MBD2: variants seen among roughly 807,000 people sequenced by gnomAD.
MBD2 encodes methyl-CpG binding domain protein 2, also known as methyl-CpG-binding domain protein 2.
Under a neutral mutation model 39.3 loss-of-function variants are expected in MBD2, and 9 were observed. The observed-to-expected ratio is 0.23, with a 90% CI of 0.14 to 0.40. MBD2 has a LOEUF of 0.40. Ranked by LOEUF, MBD2 falls within the 10% of genes least tolerant of loss-of-function variation. The pLI, the probability that MBD2 is intolerant of heterozygous loss-of-function variation, is 1.00. For synonymous variants in MBD2, 233 were observed against 211.1 expected (o/e 1.10, Z -0.90); for missense variants, 458 against 532.6 (o/e 0.86, Z 1.38).
chr18:54,191,748 A>C (rs185553608), intron 2 of MBD2, among the ~76,000 whole-genome samples: 2 of 152,300 alleles, frequency 1.3e-5, no homozygotes, highest in East Asian at 3.9e-4. Flanking sequence ...CCTCACCTCT[A>C]CACCTCTCCA....
At chr18:54,222,029 T>C (rs8089348) in intron 1 of MBD2, among the ~76,000 whole-genome samples, 4,108 of 152,338 alleles carry the variant, frequency 0.027, 186 homozygotes, top group African/African-American at 0.093. Context: ...CTACTGAGAA[T>C]AGCCTAGTCA....
chr18:54,181,144 C>G (rs763663879), intron 3 of MBD2, among the ~76,000 whole-genome samples: 6 of 152,104 alleles, frequency 3.9e-5, no homozygotes, highest in Non-Finnish European at 8.8e-5. Flanking sequence ...ATGTGCCTGC[C>G]TCAGCCTCCC....
chr18:54,184,361 C>T (rs958671216), intron 3 of MBD2, among the ~76,000 whole-genome samples: 1 of 152,066 alleles, frequency 6.6e-6, no homozygotes, highest in African/African-American at 2.4e-5. Flanking sequence ...GTTGCATGCT[C>T]CTTATAAAAA....
At chr18:54,170,879 T>C (rs1032821522) in intron 3 of MBD2, among the ~76,000 whole-genome samples, 2 of 152,102 alleles carry the variant, frequency 1.3e-5, no homozygotes, top group African/African-American at 4.8e-5. Flanking sequence ...ACCCAAGAAA[T>C]TGTATGGGCA....
chr18:54,203,454 C>G (rs538913910), intron 2 of MBD2, among the ~76,000 whole-genome samples: 24 of 152,306 alleles, frequency 1.6e-4, no homozygotes, highest in African/African-American at 5.8e-4. Flanking sequence ...CCCTCTACTG[C>G]TATTCTTACC....
intron 3 of MBD2, among the ~76,000 whole-genome samples, chr18:54,167,713 A>G (rs1444245173): frequency 6.6e-6 from 1 of 152,220 alleles, no homozygotes; most frequent in Non-Finnish European, 1.5e-5. Context: ...CCTTTGGTAT[A>G]TGGTAACATT....
intron 3 of MBD2, among the ~76,000 whole-genome samples, chr18:54,175,663 G>T (rs1317572765): frequency 6.6e-6 from 1 of 152,086 alleles, no homozygotes; most frequent in Non-Finnish European, 1.5e-5. Flanking sequence ...GAGAGAACTT[G>T]TGTCTTATTT....
chr18:54,218,041 A>C (rs2086575979), intron 1 of MBD2, among the ~76,000 whole-genome samples: 1 of 152,222 alleles, frequency 6.6e-6, no homozygotes, highest in Non-Finnish European at 1.5e-5. Flanking sequence ...AAAAGACTTA[A>C]AGCAAGCCAA....
intron 1 of MBD2, among the ~76,000 whole-genome samples, chr18:54,217,391 G>C (rs2144351738): frequency 6.6e-6 from 1 of 152,084 alleles, no homozygotes; most frequent in Middle Eastern, 3.4e-3. Flanking sequence ...TAGAAGTTCT[G>C]ATAAAATTAA....
At chr18:54,196,837 A>G (rs150587185) in intron 2 of MBD2, among the ~76,000 whole-genome samples, 1 of 152,334 alleles carries the variant, frequency 6.6e-6, no homozygotes, top group East Asian at 1.9e-4. Flanking sequence ...ATACTGAACA[A>G]ATCATTCTCA....
intron 6 of MBD2, 81 bp downstream of exon 6, chr18:54,159,684 T>C (rs1032685111): frequency 1.3e-6 from 2 of 1,513,586 alleles, no homozygotes; most frequent in Non-Finnish European, 1.8e-6. Flanking sequence ...ACCCAAGTGC[T>C]GGGATTACAG....
At chr18:54,160,685 C>T (rs2086090662) in intron 5 of MBD2, among the ~76,000 whole-genome samples, 1 of 151,092 alleles carries the variant, frequency 6.6e-6, no homozygotes, top group Admixed American at 6.6e-5. Context: ...AGTAGATCCC[C>T]CAGATGGTAA....
intron 1 of MBD2, among the ~76,000 whole-genome samples, chr18:54,213,089 G>A (rs1158042825): frequency 1.5e-5 from 2 of 132,430 alleles, no homozygotes; most frequent in African/African-American, 2.7e-5. Context: ...TGGGGGCGGG[G>A]GGGGGGATTA....
chr18:54,208,806 C>G (rs937224992), intron 1 of MBD2, among the ~76,000 whole-genome samples: 1 of 152,116 alleles, frequency 6.6e-6, no homozygotes, highest in Non-Finnish European at 1.5e-5. Flanking sequence ...AGAGCCTCAC[C>G]ACAATGTTCC....
intron 2 of MBD2, among the ~76,000 whole-genome samples, chr18:54,194,064 A>C (rs986694895): frequency 8.5e-5 from 13 of 152,154 alleles, no homozygotes; most frequent in Non-Finnish European, 1.9e-4. Flanking sequence ...GATGAAGAAC[A>C]TGTATCATAA....
intron 1 of MBD2, among the ~76,000 whole-genome samples, chr18:54,221,977 CAGG>C (rs1339748623): frequency 2.0e-5 from 3 of 152,166 alleles, no homozygotes; most frequent in African/African-American, 4.8e-5. Flanking sequence ...AACCATATCC[CAGG>C]AGAACTGCCA....
At chr18:54,179,731 T>C (rs1157147449) in intron 3 of MBD2, among the ~76,000 whole-genome samples, 1 of 152,258 alleles carries the variant, frequency 6.6e-6, no homozygotes, top group Middle Eastern at 3.4e-3. Context: ...GCAAATTTCC[T>C]TAATCTGACA....
chr18:54,158,190 TC>T (rs1471164699), intron 6 of MBD2, among the ~76,000 whole-genome samples: 29 of 151,116 alleles, frequency 1.9e-4, no homozygotes, highest in Admixed American at 1.7e-3. Flanking sequence ...ACCCACACAT[TC>T]CCCCCACCCC....
intron 3 of MBD2, among the ~76,000 whole-genome samples, chr18:54,177,641 C>T (rs1326210832): frequency 2.6e-5 from 4 of 151,882 alleles, no homozygotes; most frequent in Non-Finnish European, 2.9e-5. Flanking sequence ...CCACCACGCC[C>T]GGCTAATTTT....
Sources: allele counts gnomAD v4.1 joint callset (sites outside exome capture counted in the v4.1 genomes callset), GRCh38; gene constraint gnomAD v4.1.1; transcripts MANE v1.5; gene names NCBI Gene and HGNC (gene_info 2026-07-23, HGNC 2026-07-21).